Variants in PCNP observed in about 807,000 individuals in gnomAD.
PCNP encodes the protein PEST proteolytic signal-containing nuclear protein.
In PCNP, 6 loss-of-function variants were observed where a neutral mutation model predicts 21.8. That is an observed-to-expected ratio of 0.28 (90% CI 0.15 to 0.54). PCNP has a LOEUF of 0.54. Among genes scored for constraint, PCNP ranks in the 20% least tolerant of loss-of-function variants. The pLI is 0.95. For missense variants in PCNP, 161 were observed against 215.5 expected, an observed-to-expected ratio of 0.75 and a Z score of 1.58; for synonymous variants, 67 against 73.2, an observed-to-expected ratio of 0.92 and a Z score of 0.43.
At chr3:101,589,470 G>C (rs1460880424) in intron 3 of PCNP, among the ~76,000 whole-genome samples, 1 of 151,544 alleles carries the variant, frequency 6.6e-6, no homozygotes, top group Admixed American at 6.6e-5. Context: ...GAGTGCAGTG[G>C]CACGATCTCG....
At chr3:101,582,900 A>G (rs1459289244) in intron 2 of PCNP, among the ~76,000 whole-genome samples, 2 of 152,234 alleles carry the variant, frequency 1.3e-5, no homozygotes, top group African/African-American at 4.8e-5. Flanking sequence ...GTAGGGATAA[A>G]CAGCCCCCAA....
In PCNP at chr3:101,592,643, G is replaced by A; in HGVS notation, c.427G>A (p.Ala143Thr). 1 of 1,609,012 alleles carries A rather than the reference G, an allele frequency of 6.2e-7. No homozygotes were observed. The highest frequency in any genetic ancestry group is 8.5e-7 in the Non-Finnish European group (1 of 1,177,930). Residue 143 changes from alanine (A) to threonine (T), a missense_variant, in exon 5 of 5, where the codon GCT (alanine) becomes ACT (threonine). Ala to Thr is a moderately conservative substitution (Grantham distance 58). This residue lies in a region of PCNP where 66 missense variants were observed against 127.8 expected (regional missense o/e 0.52). Transcript: ENST00000265260. The stretch of plus-strand genomic sequence containing the variant: ...TTAACACAGGGATACACCAACATCA[G>A]CTGGACCAAACTCCTTCAATAAAGG... ...KNIGRDTPTS[A>T]GPNSFNKGKH... is the part of the protein sequence containing the mutation.
chr3:101,593,558 C>G lies in PCNP; in HGVS notation c.*805C>G, dbSNP rs1935919355. The G allele has an allele frequency of 6.6e-6, 1 of 152,410 alleles. No homozygotes were observed. The highest frequency in any genetic ancestry group is 1.5e-5 in the Non-Finnish European group (1 of 67,996). 9.4% of individuals were successfully genotyped at this position (152,410 alleles called of 1,614,324 possible). On this transcript the variant is annotated 3_prime_UTR_variant, in exon 5 of 5. Coordinates refer to ENST00000265260, the MANE Select transcript of PCNP (RefSeq NM_020357.3). ...AAGCTGTTTCTTTTAAAACACAAAC[C>G]ACCACCAAAAATTTAAATGTACATA...
intron 1 of PCNP, among the ~76,000 whole-genome samples, chr3:101,577,200 T>G (rs1315202304): frequency 1.3e-5 from 2 of 152,192 alleles, no homozygotes; most frequent in African/African-American, 4.8e-5. Context: ...AATTGGTAGT[T>G]TTTTTTTCTC....
intron 4 of PCNP, 34 bp downstream of exon 4, chr3:101,590,304 T>C (rs1334513120): frequency 2.7e-6 from 3 of 1,105,740 alleles, no homozygotes; most frequent in African/African-American, 3.2e-5. Context: ...TATAGAAAGA[T>C]ACAAAGGTGA....
chr3:101,593,094 TA>T lies in PCNP; in HGVS notation c.*345del, dbSNP rs1935901240. 6.1e-6 allele frequency: 1 copy of T among 162,948 alleles called. No homozygotes were observed. Among genetic ancestry groups the T allele is most frequent in the African/African-American group, 2.4e-5 (1 of 41,732 alleles). 10.1% of individuals were successfully genotyped at this position (162,948 alleles called of 1,614,324 possible). A position where few individuals can be genotyped will look rare whatever the true frequency, so the allele number is the denominator to read the frequency against. On this transcript the variant is annotated 3_prime_UTR_variant, in exon 5 of 5. Coordinates refer to ENST00000265260, the MANE Select transcript of PCNP (RefSeq NM_020357.3). ...GAGGGAAGCAAAGTTACTGTCTATT[TA>T]AAACTGCAAGCAGTTAACTCTCTTA...
chr3:101,591,778 T>G (rs993624397), intron 4 of PCNP, among the ~76,000 whole-genome samples: 1 of 148,510 alleles, frequency 6.7e-6, no homozygotes, highest in East Asian at 1.9e-4. Flanking sequence ...TTTTTTTTTT[T>G]TTTTTTTTTT....
chr3:101,587,227 G>T (rs1194375123), intron 3 of PCNP, among the ~76,000 whole-genome samples: 4 of 148,240 alleles, frequency 2.7e-5, no homozygotes, highest in African/African-American at 1.0e-4. Context: ...TCCAGCCTGG[G>T]CAACAAGAGC....
intron 2 of PCNP, among the ~76,000 whole-genome samples, chr3:101,582,906 C>T (rs180932504): frequency 1.3e-5 from 2 of 152,248 alleles, no homozygotes; most frequent in Admixed American, 6.5e-5. Flanking sequence ...ATAAACAGCC[C>T]CCAAAATTAA....
chr3:101,584,595 C>T (rs1935401361), intron 2 of PCNP, among the ~76,000 whole-genome samples: 1 of 152,010 alleles, frequency 6.6e-6, no homozygotes, highest in African/African-American at 2.4e-5. Context: ...GAGACAGTCT[C>T]ACTCTGTTAC....
At chr3:101,585,333 G>A (rs1412316221) in intron 2 of PCNP, 104 bp from the exon 3 acceptor site, 13 of 693,330 alleles carry the variant, frequency 1.9e-5, no homozygotes, top group Non-Finnish European at 2.9e-5. Flanking sequence ...ACAAATTTCT[G>A]TGGAAATATA....
At chr3:101,576,643 C>A (rs1934914047) in intron 1 of PCNP, 14 of 1,611,772 alleles carry the variant, frequency 8.7e-6, no homozygotes, top group Admixed American at 5.0e-5. Flanking sequence ...GTTGTCCAGA[C>A]CATTGGCTAG....
In PCNP at chr3:101,586,571, T is replaced by TGTGTGTGTGTGTGTGTGTGTGAGAGAGA; in HGVS notation, c.354+1061_354+1062insTGTGTGTGTGTGTGTGTGTGAGAGAGAG. ...GTGTGTGTGTGTGTGTGTGTGTGTG[T>TGTGTGTGTGTGTGTGTGTGTGAGAGAGA]GAGAGAGAGAGAGAGAGAGTTTCTT... is the stretch of plus-strand genomic sequence containing the variant. On this transcript the variant is annotated intron_variant, in intron 3 of 4. Transcript: ENST00000265260. Among the ~76,000 whole-genome samples the TGTGTGTGTGTGTGTGTGTGTGAGAGAGA allele has an allele frequency of 1.4e-4, 16 of 114,202 alleles. 1 individual carries two copies. Among genetic ancestry groups the TGTGTGTGTGTGTGTGTGTGTGAGAGAGA allele is most frequent in the African/African-American group, 4.9e-4 (16 of 32,952 alleles). 74.9% of individuals were successfully genotyped at this position (114,202 alleles called of 152,430 possible).
At chr3:101,592,499 G>A (rs980988677) in intron 4 of PCNP, 128 bp from the exon 5 acceptor site, 2 of 664,840 alleles carry the variant, frequency 3.0e-6, no homozygotes, top group Non-Finnish European at 4.9e-6. Context: ...AAAAAGCTCT[G>A]TAGGGCCTTC....
chr3:101,585,639 A>G, intron 3 of PCNP, 128 bp downstream of exon 3: 1 of 581,672 alleles, frequency 1.7e-6, no homozygotes. Context: ...TGTGTGTGAC[A>G]TCCATAAAAA....
At chr3:101,592,342 T>A (rs1050201159) in intron 4 of PCNP, among the ~76,000 whole-genome samples, 20 of 151,682 alleles carry the variant, frequency 1.3e-4, no homozygotes, top group Non-Finnish European at 2.5e-4. Context: ...CCTGGCTAAT[T>A]TTCGTATTTT....
intron 3 of PCNP, among the ~76,000 whole-genome samples, chr3:101,587,017 G>T (rs1436306422): frequency 2.6e-5 from 4 of 152,096 alleles, no homozygotes; most frequent in Non-Finnish European, 5.9e-5. Context: ...ACTTTGGGAG[G>T]CCGAGGCGGG....
At position 101,579,926 on chromosome 3, in the gene PCNP, G is replaced by A; in HGVS notation, c.201G>A (p.Lys67=). 1 of 1,614,100 alleles carries A rather than the reference G, an allele frequency of 6.2e-7. No individual in the cohort carries two copies. The highest frequency in any genetic ancestry group is 1.1e-5 in the South Asian group (1 of 91,082). The change falls in exon 2 of 5, where the codon AAG becomes AAA. Residue 67 remains lysine (K), a synonymous_variant. Coordinates refer to ENST00000265260, the MANE Select transcript of PCNP (RefSeq NM_020357.3). The part of the protein sequence containing the change: ...EAADLPTKPT[K]ISKFGFAIGS... ...CCGACCTCCCAACAAAGCCTACAAA[G>A]ATCTCCAAGTTTGGATTTGCCATAG...
intron 2 of PCNP, among the ~76,000 whole-genome samples, chr3:101,582,940 C>CT (rs1204452203): frequency 2.0e-5 from 3 of 152,186 alleles, no homozygotes; most frequent in Admixed American, 6.5e-5. Flanking sequence ...AATTTAAGGG[C>CT]TTGTATTCCA....
Sources: gnomAD v4.1 joint callset for allele counts (sites outside exome capture counted in the v4.1 genomes callset) on GRCh38, gnomAD v4.1.1 for gene constraint, gnomAD v4.1.1 regional missense constraint, MANE v1.5 for transcripts, NCBI Gene and HGNC (gene_info 2026-07-23, HGNC 2026-07-21) for gene names.